Variants in PPHLN1 observed in about 807,000 individuals in gnomAD.
PPHLN1 encodes periphilin 1.
A neutral mutation model predicts 51.3 loss-of-function variants in PPHLN1; 29 were observed. The observed-to-expected ratio is 0.57, with a 90% CI of 0.42 to 0.77. The LOEUF is 0.77. Ranked by LOEUF, PPHLN1 falls within the 30% of genes least tolerant of loss-of-function variation. The pLI is 0.00. For synonymous variants in PPHLN1, 147 were observed against 147.8 expected, an observed-to-expected ratio of 0.99 and a Z score of 0.04; for missense variants, 436 against 438.4, an observed-to-expected ratio of 0.99 and a Z score of 0.05.
chr12:42,435,139 C>T (rs1006011472), intron 9 of PPHLN1, among the ~76,000 whole-genome samples: 3 of 152,168 alleles, frequency 2.0e-5, no homozygotes, highest in Admixed American at 6.5e-5. Context: ...AACTAATAAG[C>T]TGAAAGGGAT....
At chr12:42,373,561 C>T (rs2075990435) in intron 4 of PPHLN1, among the ~76,000 whole-genome samples, 1 of 152,190 alleles carries the variant, frequency 6.6e-6, no homozygotes, top group African/African-American at 2.4e-5. Flanking sequence ...TCTCTTAGCA[C>T]TCTTCTGTCT....
chr12:42,366,224 C>CTTTTTT (rs34689856), intron 4 of PPHLN1, among the ~76,000 whole-genome samples: 2 of 111,182 alleles, frequency 1.8e-5, no homozygotes, highest in African/African-American at 3.5e-5. Flanking sequence ...GTACCGGACA[C>CTTTTTT]TTTTTTTTTT....
downstream of PPHLN1, chr12:42,442,494 G>T (rs1037341748): frequency 4.4e-6 from 5 of 1,145,074 alleles, no homozygotes; most frequent in African/African-American, 1.5e-5. Context: ...GGCCTTTGGC[G>T]TTCTGTCTGT....
chr12:42,328,972 C>T (rs2137617451), intron 1 of PPHLN1, among the ~76,000 whole-genome samples: 1 of 152,318 alleles, frequency 6.6e-6, no homozygotes, highest in African/African-American at 2.4e-5. Flanking sequence ...GCTCAGCCTC[C>T]CAAAATGGTG....
intron 2 of PPHLN1, among the ~76,000 whole-genome samples, chr12:42,348,505 A>T (rs2072718608): frequency 1.3e-5 from 2 of 152,032 alleles, no homozygotes; most frequent in South Asian, 2.1e-4. Flanking sequence ...TGTGATTTGA[A>T]TTTTACTTCT....
At chr12:42,352,168 C>G (rs182239689) in intron 3 of PPHLN1, 119 bp downstream of exon 3, 647 of 918,042 alleles carry the variant, frequency 7.0e-4, no homozygotes, top group Non-Finnish European at 8.9e-4. Context: ...GCTTGATGCT[C>G]TCATGTGAAT....
chr12:42,399,500 TATG>T, intron 9 of PPHLN1: 1 of 817,880 alleles, frequency 1.2e-6, no homozygotes, highest in Non-Finnish European at 1.5e-6. Flanking sequence ...ATTTTCATTT[TATG>T]AGGATTAAAT....
intron 2 of PPHLN1, among the ~76,000 whole-genome samples, chr12:42,337,912 T>C (rs2137848296): frequency 6.6e-6 from 1 of 151,794 alleles, no homozygotes; most frequent in Middle Eastern, 3.4e-3. Flanking sequence ...GCCTCCTGAG[T>C]AGCTGGGACT....
intron 3 of PPHLN1, among the ~76,000 whole-genome samples, chr12:42,352,519 C>T (rs1164230142): frequency 6.6e-6 from 1 of 151,466 alleles, no homozygotes; most frequent in Non-Finnish European, 1.5e-5. Context: ...AAGTGATTCT[C>T]CTGCCTCACC....
At chr12:42,408,209 T>C (rs2079488089) in intron 9 of PPHLN1, among the ~76,000 whole-genome samples, 1 of 152,112 alleles carries the variant, frequency 6.6e-6, no homozygotes, top group Non-Finnish European at 1.5e-5. Flanking sequence ...TTTTAACATA[T>C]AAATTCTGAC....
chr12:42,354,306 G>T (rs1262215768), intron 3 of PPHLN1, among the ~76,000 whole-genome samples: 2 of 152,094 alleles, frequency 1.3e-5, no homozygotes, highest in African/African-American at 4.8e-5. Flanking sequence ...ACAACCTCCG[G>T]CTCTTGGGTT....
downstream of PPHLN1, chr12:42,446,346 A>G: frequency 2.0e-6 from 3 of 1,513,068 alleles, no homozygotes; most frequent in Non-Finnish European, 2.6e-6. Context: ...ACTATACCCT[A>G]TTAAGCCCAT....
chr12:42,404,360 CT>C (rs2079098254), intron 9 of PPHLN1, among the ~76,000 whole-genome samples: 1 of 152,128 alleles, frequency 6.6e-6, no homozygotes, highest in Non-Finnish European at 1.5e-5. Context: ...GAAACACCAT[CT>C]CTACTAAAAA....
rs138300961 is a variant in PPHLN1, at chr12:42,375,201, T to C, written c.511+127T>C. ...TTTTTATTTTGAAAAATTTCAAACT[T>C]ACAGAAAAGATGGTAGAATAGTATA... On this transcript the variant is annotated intron_variant, in intron 5 of 9. Transcript: ENST00000358314. 3.1e-4 allele frequency: 233 copies of C among 748,330 alleles called. No individual in the cohort carries two copies. In the African/African-American group the frequency reaches 3.6e-3, roughly 12 times the overall value. The allele number at this position is 748,330 out of a possible 1,614,324, so 46.4% of individuals were successfully genotyped here. A position where few individuals can be genotyped will look rare whatever the true frequency, so the allele number is the denominator to read the frequency against.
chr12:42,447,561 G>A (rs1388095886), downstream of PPHLN1: 8 of 152,224 alleles, frequency 5.3e-5, no homozygotes, highest in East Asian at 1.4e-3. Context: ...GCAGCCCAGC[G>A]GCATTGAGCC....
intron 5 of PPHLN1, among the ~76,000 whole-genome samples, chr12:42,379,083 C>T (rs1311900546): frequency 6.6e-6 from 1 of 151,732 alleles, no homozygotes; most frequent in East Asian, 1.9e-4. Context: ...CTAAATATCT[C>T]CACATTTGTC....
chr12:42,344,801 C>T (rs922657803), intron 2 of PPHLN1, among the ~76,000 whole-genome samples: 3 of 151,422 alleles, frequency 2.0e-5, no homozygotes, highest in Non-Finnish European at 4.4e-5. Flanking sequence ...CTCTGCCTCC[C>T]AGGCTCAAGC....
At chr12:42,405,614 C>A (rs1016105463) in intron 9 of PPHLN1, among the ~76,000 whole-genome samples, 2 of 152,038 alleles carry the variant, frequency 1.3e-5, no homozygotes, top group Admixed American at 1.3e-4. Flanking sequence ...AAAAAGAAAA[C>A]CATTATAGGA....
chr12:42,349,697 CA>C (rs1332804238), intron 2 of PPHLN1, among the ~76,000 whole-genome samples: 1 of 152,068 alleles, frequency 6.6e-6, no homozygotes, highest in South Asian at 2.1e-4. Context: ...TGACACAGCA[CA>C]TGTTTCAGAG....
Sources: gnomAD v4.1 joint callset for allele counts (sites outside exome capture counted in the v4.1 genomes callset) on GRCh38, gnomAD v4.1.1 for gene constraint, MANE v1.5 for transcripts, NCBI Gene and HGNC (gene_info 2026-07-23, HGNC 2026-07-21) for gene names.